Variants in USP49 observed in about 807,000 individuals in gnomAD.
USP49 encodes ubiquitin carboxyl-terminal hydrolase 49.
Under a neutral mutation model 58.6 loss-of-function variants are expected in USP49, and 24 were observed. That is an observed-to-expected ratio of 0.41 (90% CI 0.30 to 0.58). The LOEUF (loss-of-function observed/expected upper bound fraction) is 0.58. USP49 is among the 20% of genes least tolerant of loss of function. The probability of loss-of-function intolerance (pLI) is 0.30; values close to 1 mark genes in which losing one functional copy is unlikely to be tolerated. For synonymous variants in USP49, 408 were observed against 365.1 expected (o/e 1.12, Z -1.34); for missense variants, 703 against 866.1 (o/e 0.81, Z 2.36).
At chr6:41,796,807 G>A in intron 7 of USP49, 84 bp from the exon 8 acceptor site, 2 of 671,096 alleles carry the variant, frequency 3.0e-6, no homozygotes, top group Middle Eastern at 2.5e-4. Flanking sequence ...GATGAAGAAA[G>A]GGACAGAGAA....
chr6:41,872,355 A>G (rs543151336), intron 2 of USP49, among the ~76,000 whole-genome samples: 1 of 152,266 alleles, frequency 6.6e-6, no homozygotes, highest in South Asian at 2.1e-4. Flanking sequence ...CTTTAAGAAA[A>G]TATGTTCCCG....
intron 3 of USP49, among the ~76,000 whole-genome samples, chr6:41,823,858 G>C (rs1207132217): frequency 2.0e-5 from 3 of 152,216 alleles, no homozygotes; most frequent in Admixed American, 1.3e-4. Flanking sequence ...GGGAGAGAGA[G>C]AGTGTGTGTG....
chr6:41,820,388 A>G (rs1331534916), intron 3 of USP49, among the ~76,000 whole-genome samples: 1 of 152,140 alleles, frequency 6.6e-6, no homozygotes, highest in Non-Finnish European at 1.5e-5. Flanking sequence ...CACCACCCTT[A>G]GTCCACAACT....
At position 41,805,882 on chromosome 6, in the gene USP49, T is replaced by C; in HGVS notation, c.1102A>G (p.Met368Val). The C allele has an allele frequency of 1.2e-6, 2 of 1,614,000 alleles. No individual in the cohort carries two copies. Among genetic ancestry groups the C allele is most frequent in the Non-Finnish European group, 1.7e-6 (2 of 1,180,024 alleles). The change falls in exon 4 of 8, where the codon ATG (methionine) becomes GTG (valine). Residue 368 changes from methionine to valine, a missense_variant. By Grantham distance (21) the Met-to-Val change is conservative (BLOSUM62 1). Around this residue, in one of 6 missense-constraint regions of USP49, gnomAD observed 66 missense variants for 116.0 expected, o/e 0.57. Transcript: ENST00000682992. ...ACTAGGGCCCACTTCCCGGACCACA[T>C]GACTCGGAAGAGGGTGTGCAGTTCA... The part of the protein sequence containing the change: ...CRELHTLFRV[M>V]WSGKWALVSP...
At position 41,879,209 on chromosome 6, in the gene USP49, A is replaced by G. The variant is rs531319177; in HGVS notation, c.-102-7572T>C. ...CAGCAGTTTGAGACCAGCCTGGCTA[A>G]CATAACGAGACTCTGCCTCTATGTT... On this transcript the variant is annotated intron_variant, in intron 2 of 7. Coordinates refer to ENST00000682992, the MANE Select transcript of USP49 (RefSeq NM_001286554.2). Among the ~76,000 whole-genome samples the G allele has an allele frequency of 2.6e-5, 4 of 152,270 alleles. No individual in the cohort carries two copies. The South Asian group carries it at 8.3e-4, about 32-fold the overall frequency.
chr6:41,891,675 G>A (rs1302513602), intron 2 of USP49, 119 bp downstream of exon 2: 1 of 152,180 alleles, frequency 6.6e-6, no homozygotes, highest in Non-Finnish European at 1.5e-5. Flanking sequence ...TGTGCTGGTT[G>A]GAGAGAAGGC....
At chr6:41,887,713 G>A (rs768891302) in intron 2 of USP49, among the ~76,000 whole-genome samples, 6 of 152,214 alleles carry the variant, frequency 3.9e-5, no homozygotes, top group Admixed American at 6.5e-5. Flanking sequence ...CTGCATAGAA[G>A]GCACGGAGTA....
At chr6:41,877,027 C>T (rs1321438969) in intron 2 of USP49, among the ~76,000 whole-genome samples, 1 of 152,174 alleles carries the variant, frequency 6.6e-6, no homozygotes, top group African/African-American at 2.4e-5. Context: ...TTGTACATAT[C>T]GCCCAGAGTA....
intron 3 of USP49, among the ~76,000 whole-genome samples, chr6:41,833,320 C>T (rs1773669733): frequency 6.6e-6 from 1 of 151,986 alleles, no homozygotes; most frequent in African/African-American, 2.4e-5. Flanking sequence ...CCGGCCTTGA[C>T]ACAGTATTTC....
chr6:41,869,950 A>G (rs2127358714), intron 3 of USP49, among the ~76,000 whole-genome samples: 1 of 152,322 alleles, frequency 6.6e-6, no homozygotes. Flanking sequence ...AAAGATATAG[A>G]ACTTTATCCT....
intron 3 of USP49, among the ~76,000 whole-genome samples, chr6:41,839,381 G>C (rs1336909877): frequency 2.7e-5 from 3 of 111,386 alleles, no homozygotes; most frequent in African/African-American, 3.4e-5. Flanking sequence ...CTCCAGTCTG[G>C]ACAATAGAGC....
At chr6:41,861,208 C>A (rs1774215404) in intron 3 of USP49, among the ~76,000 whole-genome samples, 1 of 152,050 alleles carries the variant, frequency 6.6e-6, no homozygotes, top group Admixed American at 6.6e-5. Flanking sequence ...CTTTGGGAGG[C>A]CGAGGCAGGC....
chr6:41,865,916 C>CTTTTTT (rs34663718), intron 3 of USP49, among the ~76,000 whole-genome samples: 5 of 65,388 alleles, frequency 7.6e-5, no homozygotes, highest in African/African-American at 2.6e-4. Flanking sequence ...AGCATGGTGC[C>CTTTTTT]TTTTTTTTTT....
At chr6:41,854,858 C>G (rs540338230) in intron 3 of USP49, among the ~76,000 whole-genome samples, 3 of 152,120 alleles carry the variant, frequency 2.0e-5, no homozygotes, top group Non-Finnish European at 4.4e-5. Flanking sequence ...CTGGAACCTC[C>G]GCCTACCAGG....
intron 3 of USP49, among the ~76,000 whole-genome samples, chr6:41,870,688 ATT>A (rs70987539): frequency 1.5e-4 from 17 of 116,020 alleles, no homozygotes; most frequent in African/African-American, 3.6e-4. Context: ...CACCTGGCTA[ATT>A]TTTTTTTTTT....
rs1180797495 is a variant in USP49 at position 41,792,254 on chromosome 6, C to T, written c.*4279G>A. 1 of 152,194 alleles carries T rather than the reference C, an allele frequency of 6.6e-6. No homozygotes were observed. The highest frequency in any genetic ancestry group is 1.5e-5 in the Non-Finnish European group (1 of 68,038). The allele number at this position is 152,194 out of a possible 1,614,324, so 9.4% of individuals were successfully genotyped here. ...CATATTACACAGTGCACTGGCTTGC[C>T]TTACAATCTAAGGTTCACATACAGG... is the stretch of plus-strand genomic sequence containing the variant. On this transcript the variant is annotated 3_prime_UTR_variant, in exon 8 of 8. Coordinates refer to ENST00000682992, the MANE Select transcript of USP49 (RefSeq NM_001286554.2).
In USP49 at chr6:41,806,645, A is replaced by G. The variant is rs796076864; in HGVS notation, c.339T>C (p.Arg113=). 6.2e-7 allele frequency: 1 copy of G among 1,613,646 alleles called. No individual in the cohort carries two copies. Among genetic ancestry groups the G allele is most frequent in the South Asian group, 1.1e-5 (1 of 91,078 alleles). ...AAGCCATGGACCGCAGCGTCCGCCC[A>G]CGTCTCACCGGCGTGTCCTGTTTCT... The part of the protein sequence containing the change: ...RGQKQDTPVR[R]GRTLRSMASG... The change falls in exon 4 of 8, where the codon CGT becomes CGC. Residue 113 remains arginine, a synonymous_variant. Transcript: ENST00000682992. This position sits in a 1 kb window ranked among gnomAD's most constrained non-coding sequence, Gnocchi z 5.9.
chr6:41,884,803 A>G (rs183898828), intron 2 of USP49, among the ~76,000 whole-genome samples: 25 of 152,326 alleles, frequency 1.6e-4, no homozygotes, highest in African/African-American at 5.3e-4. Context: ...TGGAAGTGGA[A>G]GGGAAAAATA....
chr6:41,830,137 A>T (rs1268305993), intron 3 of USP49, among the ~76,000 whole-genome samples: 3 of 152,208 alleles, frequency 2.0e-5, no homozygotes, highest in African/African-American at 7.2e-5. Flanking sequence ...ATTTTCTTAT[A>T]ATATACTGAC....
Sources: allele counts gnomAD v4.1 joint callset (sites outside exome capture counted in the v4.1 genomes callset), GRCh38; gene constraint gnomAD v4.1.1; regional missense constraint gnomAD v4.1.1; non-coding constraint Gnocchi (gnomAD v3.1); transcripts MANE v1.5; gene names NCBI Gene and HGNC (gene_info 2026-07-23, HGNC 2026-07-21).